RNASE4: variants seen among roughly 807,000 people sequenced by gnomAD.
The protein encoded by RNASE4 is ribonuclease 4.
For synonymous variants in RNASE4, 93 were observed against 71.4 expected, an observed-to-expected ratio of 1.30 and a Z score of -1.52; for missense variants, 194 against 192.8, an observed-to-expected ratio of 1.01 and a Z score of -0.04.
chr14:20,700,085 GTTA>G lies in RNASE4; in HGVS notation c.*275_*277del, dbSNP rs1887245370. On this transcript the variant is annotated 3_prime_UTR_variant, in exon 2 of 2. Coordinates refer to ENST00000555835, the MANE Select transcript of RNASE4 (RefSeq NM_002937.5). Reference sequence around the variant, plus strand: ...CTCAGATCCTATCCTGTGGAATTTAGTTATTATGTGTATTTATGTAGTATTTCA... The same window carrying G: ...CTCAGATCCTATCCTGTGGAATTTAGTTATGTGTATTTATGTAGTATTTCA... The G allele has an allele frequency of 2.3e-6, 1 of 426,608 alleles. No homozygotes were observed. Among genetic ancestry groups the G allele is most frequent in the Non-Finnish European group, 4.4e-6 (1 of 228,902 alleles). 26.4% of individuals were successfully genotyped at this position (426,608 alleles called of 1,614,324 possible). A position where few individuals can be genotyped will look rare whatever the true frequency, so the allele number is the denominator to read the frequency against.
At chr14:20,693,871 A>G in intron 1 of RNASE4, 1 of 1,614,182 alleles carries the variant, frequency 6.2e-7, no homozygotes, top group South Asian at 1.1e-5. Flanking sequence ...TTTCCAGGTC[A>G]CCACTTGCAA....
At chr14:20,699,271 A>G in intron 1 of RNASE4, 84 bp from the exon 2 acceptor site, 2 of 1,157,824 alleles carry the variant, frequency 1.7e-6, no homozygotes, top group Non-Finnish European at 2.4e-6. Flanking sequence ...CTATGGAGTC[A>G]GGATGCCGGC....
chr14:20,693,528 C>T (rs774955064), intron 1 of RNASE4: 43 of 1,608,220 alleles, frequency 2.7e-5, no homozygotes, highest in Admixed American at 1.8e-4. Context: ...TCTACCACAC[C>T]TCCTTTTGCC....
At chr14:20,690,042 C>G (rs1350875979) in intron 1 of RNASE4, among the ~76,000 whole-genome samples, 1 of 147,624 alleles carries the variant, frequency 6.8e-6, no homozygotes, top group African/African-American at 2.5e-5. Context: ...GGTGAAACCC[C>G]GTCTCTACTA....
chr14:20,694,297 G>A (rs1313441119), intron 1 of RNASE4: 8 of 213,424 alleles, frequency 3.7e-5, no homozygotes, highest in African/African-American at 2.5e-4. Context: ...TTTTCTTTTC[G>A]TTTTTTTTTT....
chr14:20,685,883 T>C (rs1250269628), intron 1 of RNASE4, among the ~76,000 whole-genome samples: 1 of 151,636 alleles, frequency 6.6e-6, no homozygotes, highest in African/African-American at 2.4e-5. Flanking sequence ...CTACTAAAAA[T>C]ACAAAAATTA....
Position 20,699,822 on chromosome 14 carries a change from CCAT to C in RNASE4, c.*8_*10del. The C allele has an allele frequency of 6.2e-7, 1 of 1,611,272 alleles. No individual in the cohort carries two copies. The highest frequency in any genetic ancestry group is 1.3e-5 in the African/African-American group (1 of 75,020). On this transcript the variant is annotated 3_prime_UTR_variant, in exon 2 of 2. Transcript: ENST00000555835. Reference sequence around the variant, plus strand: ...TGTGCACTTTGACGGTTAGATGCCACCATGTAGGGATTATCGCGAGTGGTTGAC... The same window carrying C: ...TGTGCACTTTGACGGTTAGATGCCACGTAGGGATTATCGCGAGTGGTTGAC...
At chr14:20,693,027 T>G (rs1441049834) in intron 1 of RNASE4, among the ~76,000 whole-genome samples, 4 of 151,214 alleles carry the variant, frequency 2.6e-5, no homozygotes, top group Non-Finnish European at 3.0e-5. Flanking sequence ...TTTTGTATTT[T>G]TAGTAGAGAC....
intron 1 of RNASE4, among the ~76,000 whole-genome samples, chr14:20,695,647 C>G (rs1486093204): frequency 6.6e-6 from 1 of 152,222 alleles, no homozygotes; most frequent in Non-Finnish European, 1.5e-5. Context: ...CTTGTGAACA[C>G]ATAATTATTG....
chr14:20,699,732 A>C lies in RNASE4; in HGVS notation c.361A>C (p.Arg121=), dbSNP rs768745751. The C allele has an allele frequency of 1.9e-6, 3 of 1,610,956 alleles. No homozygotes were observed. The highest frequency in any genetic ancestry group is 2.5e-6 in the Non-Finnish European group (3 of 1,180,032). The change falls in exon 2 of 2, where the codon AGA becomes CGA. Residue 121 remains arginine, a synonymous_variant. Transcript: ENST00000555835. ...AGGAAGTTCCAGGGCACCCAACTGC[A>C]GATATCGGGCCATAGCGAGCACTAG... ...DTGSSRAPNC[R]YRAIASTRRV... is the part of the protein sequence containing the mutation.
intron 1 of RNASE4, chr14:20,688,656 G>C (rs1324412426): frequency 1.0e-6 from 1 of 983,876 alleles, no homozygotes; most frequent in South Asian, 4.7e-5. Context: ...CATGCCCAGC[G>C]AAAAGGTGAA....
intron 1 of RNASE4, chr14:20,694,306 T>TTG (rs1555346455): frequency 3.5e-5 from 14 of 395,354 alleles, no homozygotes; most frequent in Non-Finnish European, 5.5e-5. Context: ...CGTTTTTTTT[T>TTG]TTTTTTTTTT....
At chr14:20,686,600 G>T (rs1198506252) in intron 1 of RNASE4, among the ~76,000 whole-genome samples, 2 of 152,220 alleles carry the variant, frequency 1.3e-5, no homozygotes, top group Admixed American at 6.5e-5. Context: ...TGGGCACAAA[G>T]CCCAGAGTTG....
At chr14:20,692,521 G>A (rs1163618286) in intron 1 of RNASE4, among the ~76,000 whole-genome samples, 1 of 152,260 alleles carries the variant, frequency 6.6e-6, no homozygotes, top group Non-Finnish European at 1.5e-5. Flanking sequence ...TCAGCAGGCA[G>A]CATTAGATTC....
intron 1 of RNASE4, among the ~76,000 whole-genome samples, chr14:20,695,581 A>G (rs1887064815): frequency 6.6e-6 from 1 of 152,204 alleles, no homozygotes; most frequent in Admixed American, 6.5e-5. Flanking sequence ...GTACTTGGAT[A>G]TTTTATTTAG....
Position 20,701,144 on chromosome 14 carries a change from C to G in RNASE4, c.*1329C>G, listed in dbSNP as rs1269885636. 1 of 152,230 alleles carries G rather than the reference C, an allele frequency of 6.6e-6. No individual in the cohort carries two copies. Among genetic ancestry groups the G allele is most frequent in the Non-Finnish European group, 1.5e-5 (1 of 68,084 alleles). 9.4% of individuals were successfully genotyped at this position (152,230 alleles called of 1,614,324 possible). On this transcript the variant is annotated 3_prime_UTR_variant, in exon 2 of 2. Coordinates refer to ENST00000555835, the MANE Select transcript of RNASE4 (RefSeq NM_002937.5). ...CTATAAAACTGCCCCACCCCATCTC[C>G]CTTTGCTGACTCCTTTTTTGGACTC...
intron 1 of RNASE4, among the ~76,000 whole-genome samples, chr14:20,697,961 C>T (rs1264814012): frequency 6.6e-6 from 1 of 152,104 alleles, no homozygotes; most frequent in East Asian, 1.9e-4. Flanking sequence ...GTGAGTCCAC[C>T]TCCAGTCTTG....
At chr14:20,694,696 T>C (rs1174180230) in intron 1 of RNASE4, among the ~76,000 whole-genome samples, 5 of 152,178 alleles carry the variant, frequency 3.3e-5, no homozygotes, top group Admixed American at 1.3e-4. Context: ...CAGAGAGAGA[T>C]GGAAAAATTC....
rs577332135 is a variant in RNASE4, at chr14:20,698,599, T to C, written c.-17-756T>C. ...CTGTCTTCTAAGAACTGTAACTGGG[T>C]ATTCTGGTTTTGCTTTTTTTTAAAA... On this transcript the variant is annotated intron_variant, in intron 1 of 1. Coordinates refer to ENST00000555835, the MANE Select transcript of RNASE4 (RefSeq NM_002937.5). Among the ~76,000 whole-genome samples the C allele has an allele frequency of 4.5e-4, 69 of 152,302 alleles. 1 individual carries two copies. In the South Asian group the frequency reaches 0.014, roughly 31 times the overall value.
Sources: gnomAD v4.1 joint callset for allele counts (sites outside exome capture counted in the v4.1 genomes callset) on GRCh38, gnomAD v4.1.1 for gene constraint, MANE v1.5 for transcripts, NCBI Gene and HGNC (gene_info 2026-07-23, HGNC 2026-07-21) for gene names.